Variants in PCNT observed in about 807,000 individuals in gnomAD.
PCNT encodes kendrin.
PCNT carries 319 observed loss-of-function variants against 380.4 expected under a neutral mutation model. The ratio of observed to expected loss-of-function variants is 0.84; its 90% CI spans 0.77 to 0.92. The LOEUF is 0.92. Ranked by LOEUF, PCNT falls within the 40% of genes least tolerant of loss-of-function variation. The pLI is 0.00. For missense variants in PCNT, 4,400 were observed against 4,255.3 expected (o/e 1.03, Z -0.95); for synonymous variants, 1,845 against 1,735.2 (o/e 1.06, Z -1.57).
chr21:46,382,633 C>T lies in PCNT; in HGVS notation c.3312+793C>T, dbSNP rs556831695. Among the ~76,000 whole-genome samples, 129 of 132,328 alleles carry T rather than the reference C, an allele frequency of 9.7e-4. 4 individuals are homozygous for T. The highest frequency in any genetic ancestry group is 3.2e-3 in the African/African-American group (111 of 35,010). 86.8% of individuals were successfully genotyped at this position (132,328 alleles called of 152,430 possible). ...GCATTCAGTGGCGGAAGCGCATTCA[C>T]GGTGTTGTGCGTTCAGTGGCGGAAG... On this transcript the variant is annotated intron_variant, in intron 16 of 46. Coordinates refer to ENST00000359568, the MANE Select transcript of PCNT (RefSeq NM_006031.6).
At chr21:46,335,751 T>C (rs2083715020) in intron 3 of PCNT, among the ~76,000 whole-genome samples, 1 of 151,412 alleles carries the variant, frequency 6.6e-6, no homozygotes, top group African/African-American at 2.4e-5. Context: ...GGTGGTGCGA[T>C]CTTGGCTTAC....
At chr21:46,369,337 T>C (rs755326831) in intron 15 of PCNT, among the ~76,000 whole-genome samples, 1 of 152,190 alleles carries the variant, frequency 6.6e-6, no homozygotes, top group Non-Finnish European at 1.5e-5. Flanking sequence ...GCCTCCCAGG[T>C]AGTTGGAATT....
intron 41 of PCNT, among the ~76,000 whole-genome samples, chr21:46,439,250 C>T (rs1436511166): frequency 6.6e-6 from 1 of 152,198 alleles, no homozygotes; most frequent in African/African-American, 2.4e-5. Context: ...GCAGGCATCT[C>T]CGCCTGCCAC....
intron 8 of PCNT, among the ~76,000 whole-genome samples, chr21:46,351,113 G>T (rs992351373): frequency 6.6e-6 from 1 of 152,200 alleles, no homozygotes; most frequent in African/African-American, 2.4e-5. Flanking sequence ...CCGAAGCAGG[G>T]AGGTGCACAA....
At chr21:46,440,060 G>C (rs2053565834) in intron 41 of PCNT, 23 bp from the exon 42 acceptor site, 1 of 1,613,788 alleles carries the variant, frequency 6.2e-7, no homozygotes, top group African/African-American at 1.3e-5. Context: ...TCTGTAGACA[G>C]CGCTGGCTGT....
chr21:46,336,268 T>C (rs373994690), intron 3 of PCNT, among the ~76,000 whole-genome samples: 5 of 152,352 alleles, frequency 3.3e-5, no homozygotes, highest in African/African-American at 1.2e-4. Context: ...TGAGCCACTA[T>C]GCAGGCCAAG....
At chr21:46,438,442 T>C in intron 41 of PCNT, 105 bp downstream of exon 41, 1 of 990,148 alleles carries the variant, frequency 1.0e-6, no homozygotes, top group East Asian at 2.5e-5. Context: ...CCTGGGGATG[T>C]GGGCGTCACC....
At chr21:46,445,081 T>C (rs752824049) in intron 46 of PCNT, among the ~76,000 whole-genome samples, 3 of 152,226 alleles carry the variant, frequency 2.0e-5, no homozygotes, top group Admixed American at 6.5e-5. Flanking sequence ...CTTACATTGA[T>C]AGCGAACATA....
intron 21 of PCNT, among the ~76,000 whole-genome samples, chr21:46,392,489 G>A (rs1189032774): frequency 6.6e-6 from 1 of 152,220 alleles, no homozygotes; most frequent in Non-Finnish European, 1.5e-5. Flanking sequence ...CCATAGTGCT[G>A]GGATCGCAGG....
chr21:46,372,675 C>T (rs1321786571), intron 15 of PCNT, among the ~76,000 whole-genome samples: 3 of 152,102 alleles, frequency 2.0e-5, no homozygotes, highest in Non-Finnish European at 4.4e-5. Flanking sequence ...GGTTTTGAAC[C>T]TGAAAGGTTT....
chr21:46,363,847 G>A lies in PCNT; in HGVS notation c.2522G>A (p.Arg841Gln), dbSNP rs545597119. 35 of 1,612,142 alleles carry A rather than the reference G, an allele frequency of 2.2e-5. No individual in the cohort carries two copies. Among genetic ancestry groups the A allele is most frequent in the East Asian group, 1.3e-4 (6 of 44,870 alleles). Residue 841 changes from arginine (R) to glutamine (Q), a missense_variant, in exon 14 of 47, where the codon CGG becomes CAG. Arg to Gln is a conservative substitution (Grantham distance 43). Transcript: ENST00000359568. ...DDALHCSQCG[R>Q]EPPTAQDGEL... ...GCCCTGCATTGCAGCCAGTGTGGGC[G>A]GGAGCCGCCCACAGCCCAGGACGGG...
chr21:46,423,514 G>T (rs567556083), intron 32 of PCNT, among the ~76,000 whole-genome samples: 2 of 151,630 alleles, frequency 1.3e-5, no homozygotes, highest in East Asian at 3.9e-4. Flanking sequence ...AATATAAAAC[G>T]TCAAGGAGAT....
chr21:46,349,582 G>C, intron 7 of PCNT, 102 bp from the exon 8 acceptor site: 1 of 1,293,458 alleles, frequency 7.7e-7, no homozygotes, highest in Non-Finnish European at 1.1e-6. Context: ...CCAGGATGGG[G>C]CTCTGGGTGG....
chr21:46,334,121 C>T (rs1049214741), intron 2 of PCNT, among the ~76,000 whole-genome samples: 5 of 150,518 alleles, frequency 3.3e-5, no homozygotes, highest in South Asian at 2.1e-4. Flanking sequence ...AGGGGAATGG[C>T]GTGAACCCAG....
chr21:46,338,789 T>G (rs2083831924), intron 3 of PCNT, among the ~76,000 whole-genome samples: 1 of 151,768 alleles, frequency 6.6e-6, no homozygotes, highest in South Asian at 2.1e-4. Flanking sequence ...TATTTATTTA[T>G]TTATTTATTT....
intron 35 of PCNT, among the ~76,000 whole-genome samples, chr21:46,429,697 G>T: frequency 6.6e-6 from 1 of 152,150 alleles, no homozygotes; most frequent in South Asian, 2.1e-4. Context: ...CCTGGGCCTG[G>T]AGTTCCCTCT....
Position 46,363,363 on chromosome 21 carries a change from G to T in PCNT, c.2155-117G>T, listed in dbSNP as rs1020341490. ...AATCATTCCTGTTGCTGTGTGCAGC[G>T]TAATGGGTGTGTGTGTGGTGAAAAT... On this transcript the variant is annotated intron_variant, in intron 13 of 46. Transcript: ENST00000359568. 4 of 778,840 alleles carry T rather than the reference G, an allele frequency of 5.1e-6. No homozygotes were observed. In the African/African-American group the frequency reaches 6.8e-5, roughly 13 times the overall value. 48.2% of individuals were successfully genotyped at this position (778,840 alleles called of 1,614,324 possible).
intron 3 of PCNT, among the ~76,000 whole-genome samples, chr21:46,337,716 G>A (rs1047051113): frequency 6.6e-6 from 1 of 152,170 alleles, no homozygotes; most frequent in African/African-American, 2.4e-5. Flanking sequence ...CCGAGTTGCT[G>A]GGATTACAGG....
intron 27 of PCNT, among the ~76,000 whole-genome samples, chr21:46,407,047 C>CCAAA (rs1350229182): frequency 6.6e-6 from 1 of 152,124 alleles, no homozygotes; most frequent in African/African-American, 2.4e-5. Flanking sequence ...TTCCCTAAGG[C>CCAAA]TTTGTATGAA....
Sources: gnomAD v4.1 joint callset for allele counts (sites outside exome capture counted in the v4.1 genomes callset) on GRCh38, gnomAD v4.1.1 for gene constraint, MANE v1.5 for transcripts, NCBI Gene and HGNC (gene_info 2026-07-23, HGNC 2026-07-21) for gene names.